Variants in ACTN2 observed in about 807,000 individuals in gnomAD.
ACTN2 encodes alpha-actinin-2.
A neutral mutation model predicts 113.8 loss-of-function variants in ACTN2; 39 were observed. The ratio of observed to expected loss-of-function variants is 0.34; its 90% CI spans 0.27 to 0.45. ACTN2 has a LOEUF of 0.45. Among genes scored for constraint, ACTN2 ranks in the 20% least tolerant of loss-of-function variants. ACTN2 has a pLI of 1.00. For missense variants in ACTN2, 992 were observed against 1,177.9 expected, an observed-to-expected ratio of 0.84 and a Z score of 2.31; for synonymous variants, 429 against 444.1, an observed-to-expected ratio of 0.97 and a Z score of 0.43.
intron 1 of ACTN2, among the ~76,000 whole-genome samples, chr1:236,692,526 G>A (rs1666121486): frequency 1.3e-5 from 2 of 152,178 alleles, no homozygotes; most frequent in South Asian, 4.1e-4. Context: ...GTCTTTGAGA[G>A]CCAGAGAAAG....
intron 1 of ACTN2, among the ~76,000 whole-genome samples, chr1:236,687,918 C>G (rs1665933625): frequency 6.6e-6 from 1 of 152,176 alleles, no homozygotes; most frequent in Non-Finnish European, 1.5e-5. Context: ...TCCTAAAATA[C>G]CATTTACTAT....
chr1:236,721,222 T>G (rs1037195398), intron 4 of ACTN2, among the ~76,000 whole-genome samples: 1 of 151,464 alleles, frequency 6.6e-6, no homozygotes, highest in Non-Finnish European at 1.5e-5. Context: ...GAGACGGGGT[T>G]TCACTGTGTT....
chr1:236,760,313 A>G (rs919978038), intron 19 of ACTN2, among the ~76,000 whole-genome samples: 1 of 151,604 alleles, frequency 6.6e-6, no homozygotes, highest in Non-Finnish European at 1.5e-5. Context: ...TATTTTTTCT[A>G]GTGAAGGAGA....
chr1:236,747,565 T>G, intron 12 of ACTN2, 102 bp from the exon 13 acceptor site: 1 of 1,026,234 alleles, frequency 9.7e-7, no homozygotes, highest in Non-Finnish European at 1.5e-6. Context: ...ATTTCAGATG[T>G]TTTTGTTTTT....
intron 17 of ACTN2, among the ~76,000 whole-genome samples, chr1:236,755,756 T>C (rs10925216): frequency 0.26 from 4,160 of 15,830 alleles, 192 homozygotes; most frequent in Middle Eastern, 0.5. Flanking sequence ...CCGCTGCCAC[T>C]GTTAGAACCC....
intron 8 of ACTN2, chr1:236,736,514 A>G: frequency 1.6e-6 from 2 of 1,287,598 alleles, no homozygotes; most frequent in Non-Finnish European, 2.2e-6. Context: ...TTTCCACGAA[A>G]GATGACAGAG....
At chr1:236,753,824 C>A in intron 15 of ACTN2, 123 bp from the exon 16 acceptor site, 2 of 1,166,726 alleles carry the variant, frequency 1.7e-6, no homozygotes, top group East Asian at 2.7e-5. Flanking sequence ...CCCCTACACC[C>A]TCCTCCCTTC....
At chr1:236,689,364 A>G (rs1665998423) in intron 1 of ACTN2, among the ~76,000 whole-genome samples, 1 of 148,004 alleles carries the variant, frequency 6.8e-6, no homozygotes, top group African/African-American at 2.5e-5. Flanking sequence ...TATTTTATAT[A>G]TATATATAAA....
chr1:236,751,875 A>C (rs1297971475), intron 15 of ACTN2, among the ~76,000 whole-genome samples: 1 of 152,218 alleles, frequency 6.6e-6, no homozygotes, highest in African/African-American at 2.4e-5. Context: ...ATTTTACTTA[A>C]GGAAAATCTT....
At chr1:236,697,031 T>C (rs1472132703) in intron 1 of ACTN2, among the ~76,000 whole-genome samples, 1 of 152,250 alleles carries the variant, frequency 6.6e-6, no homozygotes, top group African/African-American at 2.4e-5. Flanking sequence ...AACTGAATTC[T>C]AATCATTTCT....
intron 1 of ACTN2, among the ~76,000 whole-genome samples, chr1:236,688,052 G>A (rs977533932): frequency 2.0e-5 from 3 of 152,106 alleles, no homozygotes; most frequent in Non-Finnish European, 4.4e-5. Context: ...ACTTCAAGCC[G>A]TCTACTATTG....
chr1:236,732,811 C>T (rs1658751961), intron 7 of ACTN2, among the ~76,000 whole-genome samples: 1 of 152,220 alleles, frequency 6.6e-6, no homozygotes, highest in Non-Finnish European at 1.5e-5. Context: ...AGCATGACCA[C>T]ATCCTCACTT....
At chr1:236,708,642 C>T (rs1657905057) in intron 1 of ACTN2, among the ~76,000 whole-genome samples, 1 of 152,154 alleles carries the variant, frequency 6.6e-6, no homozygotes, top group Admixed American at 6.5e-5. Flanking sequence ...TCTGGGGCAG[C>T]TCATTGGTTG....
chr1:236,693,755 G>C (rs75110346), intron 1 of ACTN2, among the ~76,000 whole-genome samples: 1 of 152,014 alleles, frequency 6.6e-6, no homozygotes, highest in Non-Finnish European at 1.5e-5. Flanking sequence ...GGTCATGCTC[G>C]TCTGCTGGCT....
chr1:236,745,356 C>T (rs1659200145), intron 12 of ACTN2, among the ~76,000 whole-genome samples: 1 of 152,166 alleles, frequency 6.6e-6, no homozygotes, highest in Non-Finnish European at 1.5e-5. Context: ...ATGGTGTGAA[C>T]CCAGGAGGCG....
chr1:236,741,474 A>G (rs1207991997), intron 10 of ACTN2, among the ~76,000 whole-genome samples: 1 of 152,168 alleles, frequency 6.6e-6, no homozygotes, highest in Non-Finnish European at 1.5e-5. Flanking sequence ...AACATATCCA[A>G]AAGAGTTCCT....
chr1:236,748,484 CT>C (rs1488063780), intron 13 of ACTN2, among the ~76,000 whole-genome samples: 2 of 152,128 alleles, frequency 1.3e-5, no homozygotes, highest in Admixed American at 6.6e-5. Context: ...AAAAATGAAC[CT>C]AATTATGGAA....
intron 10 of ACTN2, among the ~76,000 whole-genome samples, chr1:236,740,656 C>T (rs1659041094): frequency 6.6e-6 from 1 of 151,994 alleles, no homozygotes; most frequent in African/African-American, 2.4e-5. Flanking sequence ...CCTCAGCTTC[C>T]CAGGTAGCTG....
In ACTN2 at chr1:236,753,951, A is replaced by G. The variant is rs1239528264; in HGVS notation, c.1844A>G (p.Lys615Arg). Reference protein sequence around the residue: ...DELRTKWDKVKQLVPIRDQSL... With the variant: ...DELRTKWDKVRQLVPIRDQSL... ...GTTGTCCTTGGGCCCTGACAGGTGAAGCAACTCGTGCCCATCCGCGATCAA... is the reference window on the plus strand; with the variant it reads ...GTTGTCCTTGGGCCCTGACAGGTGAGGCAACTCGTGCCCATCCGCGATCAA... Residue 615 changes from lysine to arginine, a missense_variant, in exon 16 of 21, where the codon AAG becomes AGG. Coordinates refer to ENST00000366578, the MANE Select transcript of ACTN2 (RefSeq NM_001103.4). 7.4e-6 allele frequency: 12 copies of G among 1,613,740 alleles called. No individual in the cohort carries two copies. The highest frequency in any genetic ancestry group is 1.0e-5 in the Non-Finnish European group (12 of 1,179,982).
Sources: allele counts gnomAD v4.1 joint callset (sites outside exome capture counted in the v4.1 genomes callset), GRCh38; gene constraint gnomAD v4.1.1; transcripts MANE v1.5; gene names NCBI Gene and HGNC (gene_info 2026-07-23, HGNC 2026-07-21).